PRR16: variants seen among roughly 807,000 people sequenced by gnomAD.
PRR16 encodes the protein proline rich 16.
In PRR16, 6 loss-of-function variants were observed where a neutral mutation model predicts 18.2. The observed-to-expected ratio is 0.33, with a 90% CI of 0.18 to 0.65. PRR16 has a LOEUF of 0.65. Ranked by LOEUF, PRR16 falls within the 30% of genes least tolerant of loss-of-function variation. The pLI, the probability that PRR16 is intolerant of heterozygous loss-of-function variation, is 0.74. For synonymous variants in PRR16, 151 were observed against 147.8 expected, an observed-to-expected ratio of 1.02 and a Z score of -0.16; for missense variants, 412 against 376.6, an observed-to-expected ratio of 1.09 and a Z score of -0.78.
At chr5:120,705,522 A>G in the PRR16 span, among the ~76,000 whole-genome samples, 4 of 152,110 alleles carry the variant, frequency 2.6e-5, no homozygotes, top group African/African-American at 7.2e-5. Context: ...CAAATATCCA[A>G]ATGATATTTT....
At chr5:120,735,105 C>T in the PRR16 span, among the ~76,000 whole-genome samples, 1 of 152,128 alleles carries the variant, frequency 6.6e-6, no homozygotes, top group Admixed American at 6.6e-5. Flanking sequence ...TAAATGGAAG[C>T]ATATGTATTT....
chr5:120,558,889 G>T (rs1163720177), intron 1 of PRR16, among the ~76,000 whole-genome samples: 4 of 151,946 alleles, frequency 2.6e-5, no homozygotes, highest in Admixed American at 6.6e-5. Flanking sequence ...TTTCTCTGAT[G>T]ATCAGTGATG....
At chr5:120,609,382 C>G (rs1274355565) in intron 1 of PRR16, among the ~76,000 whole-genome samples, 1 of 151,874 alleles carries the variant, frequency 6.6e-6, no homozygotes, top group East Asian at 1.9e-4. Context: ...CCCTAGAGCC[C>G]CTGGTTAGCT....
At chr5:120,667,577 C>T (rs1182529438) in intron 1 of PRR16, among the ~76,000 whole-genome samples, 1 of 150,782 alleles carries the variant, frequency 6.6e-6, no homozygotes, top group Non-Finnish European at 1.5e-5. Context: ...TTCCTGCTTT[C>T]TCTTGTGGGC....
At chr5:120,711,934 C>T in the PRR16 span, among the ~76,000 whole-genome samples, 1 of 152,150 alleles carries the variant, frequency 6.6e-6, no homozygotes, top group Non-Finnish European at 1.5e-5. Flanking sequence ...GCAATTTCCT[C>T]TCCCATTTCC....
chr5:120,761,373 A>G, the PRR16 span, among the ~76,000 whole-genome samples: 5 of 152,176 alleles, frequency 3.3e-5, no homozygotes, highest in East Asian at 9.7e-4. Context: ...TGCCCAGATA[A>G]GGATTTGATT....
intron 1 of PRR16, among the ~76,000 whole-genome samples, chr5:120,491,605 G>T (rs527500367): frequency 1.8e-4 from 27 of 151,764 alleles, no homozygotes; most frequent in Non-Finnish European, 3.2e-4. Flanking sequence ...GTGCAGTGGT[G>T]TAATCTTGGC....
At chr5:120,604,184 A>T (rs1754076337) in intron 1 of PRR16, among the ~76,000 whole-genome samples, 1 of 151,658 alleles carries the variant, frequency 6.6e-6, no homozygotes, top group African/African-American at 2.4e-5. Context: ...TTTTGTGGTT[A>T]TCTAATTCTC....
chr5:120,737,796 T>C, the PRR16 span, among the ~76,000 whole-genome samples: 1 of 152,100 alleles, frequency 6.6e-6, no homozygotes, highest in Non-Finnish European at 1.5e-5. Flanking sequence ...ATCACCTCAC[T>C]GGTGATATTT....
chr5:120,759,331 C>G, the PRR16 span, among the ~76,000 whole-genome samples: 2 of 151,954 alleles, frequency 1.3e-5, no homozygotes, highest in Non-Finnish European at 2.9e-5. Flanking sequence ...TCATATCACC[C>G]CAATAATTTT....
chr5:120,570,739 A>G (rs906063936), intron 1 of PRR16, among the ~76,000 whole-genome samples: 1 of 152,174 alleles, frequency 6.6e-6, no homozygotes, highest in African/African-American at 2.4e-5. Context: ...TAAAAACATG[A>G]AATGTATGGA....
Position 120,686,096 on chromosome 5 carries a change from C to T in PRR16, c.302C>T (p.Ala101Val), listed in dbSNP as rs1335584182. 1 of 1,614,002 alleles carries T rather than the reference C, an allele frequency of 6.2e-7. No individual in the cohort carries two copies. ...SLEKIKVQAN[A>V]PLIKPPAHPS... Reference sequence around the variant, plus strand: ...GAGAAGATCAAAGTGCAGGCTAATGCACCGCTTATTAAACCCCCAGCACAC... The same window carrying T: ...GAGAAGATCAAAGTGCAGGCTAATGTACCGCTTATTAAACCCCCAGCACAC... Residue 101 changes from alanine (A) to valine (V), a missense_variant, in exon 2 of 2, where the codon GCA (alanine) becomes GTA (valine). Coordinates refer to ENST00000407149, the MANE Select transcript of PRR16 (RefSeq NM_001300783.2).
intron 1 of PRR16, among the ~76,000 whole-genome samples, chr5:120,544,444 T>G (rs1357539399): frequency 3.3e-5 from 5 of 152,164 alleles, no homozygotes; most frequent in East Asian, 1.9e-4. Context: ...ACATTTTTGC[T>G]CATTCCAACA....
chr5:120,581,881 C>A (rs1407403173), intron 1 of PRR16, among the ~76,000 whole-genome samples: 1 of 152,044 alleles, frequency 6.6e-6, no homozygotes, highest in African/African-American at 2.4e-5. Context: ...GTCTGAGAGA[C>A]TGTTTGTTAT....
intron 1 of PRR16, among the ~76,000 whole-genome samples, chr5:120,591,673 A>G (rs1187373670): frequency 1.3e-5 from 2 of 152,036 alleles, no homozygotes; most frequent in Non-Finnish European, 2.9e-5. Context: ...TATTTGTATA[A>G]TTACTTTCTG....
chr5:120,622,864 CTA>C (rs149620777), intron 1 of PRR16, among the ~76,000 whole-genome samples: 7,907 of 152,150 alleles, frequency 0.052, 485 homozygotes, highest in African/African-American at 0.15. Context: ...CTTTAAAAGA[CTA>C]TGTGTCAAAA....
chr5:120,570,813 T>C (rs2112734957), intron 1 of PRR16, among the ~76,000 whole-genome samples: 1 of 152,234 alleles, frequency 6.6e-6, no homozygotes, highest in Non-Finnish European at 1.5e-5. Flanking sequence ...CATGATAGAC[T>C]TTCTGTAAAT....
chr5:120,782,411 T>TTATC, the PRR16 span, among the ~76,000 whole-genome samples: 39 of 152,236 alleles, frequency 2.6e-4, no homozygotes, highest in Admixed American at 6.5e-4. Flanking sequence ...TTTAATTGTT[T>TTATC]TATCTTTCAA....
chr5:120,526,107 G>A (rs1751337915), intron 1 of PRR16, among the ~76,000 whole-genome samples: 1 of 152,132 alleles, frequency 6.6e-6, no homozygotes. Context: ...GAGCTGCAAA[G>A]TAACTGTATA....
Sources: gnomAD v4.1 joint callset for allele counts (sites outside exome capture counted in the v4.1 genomes callset) on GRCh38, gnomAD v4.1.1 for gene constraint, MANE v1.5 for transcripts, NCBI Gene and HGNC (gene_info 2026-07-23, HGNC 2026-07-21) for gene names.